The following RPS21 variants were observed in gnomAD, a reference collection of about 807,000 sequenced individuals.
RPS21 encodes small ribosomal subunit protein eS21.
RPS21 carries 6 observed loss-of-function variants against 14.5 expected under a neutral mutation model. The observed-to-expected ratio is 0.41, with a 90% CI of 0.23 to 0.82. The LOEUF is 0.82. Ranked by LOEUF, RPS21 falls within the 40% of genes least tolerant of loss-of-function variation. RPS21 has a pLI of 0.31. For synonymous variants in RPS21, 61 were observed against 42.6 expected (o/e 1.43, Z -1.69); for missense variants, 85 against 115.0 (o/e 0.74, Z 1.19).
intron 4 of RPS21, 76 bp downstream of exon 4, chr20:62,387,990 G>T (rs753086236): frequency 2.5e-6 from 4 of 1,613,760 alleles, no homozygotes. Context: ...GTGTGTGATG[G>T]TGCCTGAGTA....
In RPS21 at chr20:62,388,154, G is replaced by A. The variant is rs982880865; in HGVS notation, c.187-155G>A. 3.3e-5 allele frequency: 49 copies of A among 1,476,624 alleles called. No homozygotes were observed. In the Middle Eastern group the frequency reaches 2.4e-3, roughly 73 times the overall value. The allele number at this position is 1,476,624 out of a possible 1,614,324, so 91.5% of individuals were successfully genotyped here. A position where few individuals can be genotyped will look rare whatever the true frequency, so the allele number is the denominator to read the frequency against. On this transcript the variant is annotated intron_variant, in intron 4 of 5. Transcript: ENST00000343986. Reference sequence around the variant, plus strand: ...CCCGACCCCGCTCCACCATAGTCAGGCTGCAGGCTGCCCCGGGAGAGGTGG... The same window carrying A: ...CCCGACCCCGCTCCACCATAGTCAGACTGCAGGCTGCCCCGGGAGAGGTGG...
chr20:62,388,205 C>T lies in RPS21; in HGVS notation c.187-104C>T, dbSNP rs541446704. 2.0e-5 allele frequency: 29 copies of T among 1,461,022 alleles called. No homozygotes were observed. In the African/African-American group the frequency reaches 2.4e-4, roughly 12 times the overall value. The allele number at this position is 1,461,022 out of a possible 1,614,324, so 90.5% of individuals were successfully genotyped here. A position where few individuals can be genotyped will look rare whatever the true frequency, so the allele number is the denominator to read the frequency against. On this transcript the variant is annotated intron_variant, in intron 4 of 5. Transcript: ENST00000343986. ...CTCCCCTTCTGCGCCTGTCTCCATTCGCTCAGCGGGGGAGAGACGTGGGCT... is the reference window on the plus strand; with the variant it reads ...CTCCCCTTCTGCGCCTGTCTCCATTTGCTCAGCGGGGGAGAGACGTGGGCT...
intron 1 of RPS21, 40 bp from the exon 2 acceptor site, chr20:62,387,281 G>A: frequency 9.3e-6 from 14 of 1,505,450 alleles, no homozygotes; most frequent in Non-Finnish European, 1.3e-5. Context: ...CCGGGGCACG[G>A]TTCCGGCCGT....
At chr20:62,387,467 C>T (rs975692355) in intron 2 of RPS21, 79 bp downstream of exon 2, 7 of 1,592,026 alleles carry the variant, frequency 4.4e-6, no homozygotes, top group East Asian at 4.5e-5. Flanking sequence ...CCCCCACACC[C>T]CTCCCGTCCT....
rs982519093 is a variant in RPS21 at position 62,387,107 on chromosome 20, T to C, written c.-48T>C. 5 of 468,956 alleles carry C rather than the reference T, an allele frequency of 1.1e-5. No individual in the cohort carries two copies. Among genetic ancestry groups the C allele is most frequent in the African/African-American group, 1.0e-4 (5 of 48,432 alleles). 29.0% of individuals were successfully genotyped at this position (468,956 alleles called of 1,614,324 possible). A position where few individuals can be genotyped will look rare whatever the true frequency, so the allele number is the denominator to read the frequency against. ...CTGCCGGGTGACTAGCTGCTTCCTT[T>C]CTCTCTCGCGCGCGGTGTGGTGGCA... On this transcript the variant is annotated 5_prime_UTR_variant, in exon 1 of 6. Coordinates refer to ENST00000343986, the MANE Select transcript of RPS21 (RefSeq NM_001024.4).
At chr20:62,387,734 T>C in intron 3 of RPS21, 60 bp downstream of exon 3, 1 of 1,613,996 alleles carries the variant, frequency 6.2e-7, no homozygotes, top group Non-Finnish European at 8.5e-7. Context: ...AGGCAGGCTG[T>C]CCCATTGTGG....
In RPS21 at chr20:62,387,424, C is replaced by A. The variant is rs201904061; in HGVS notation, c.50+36C>A. ...CCCACATGCCTCTCTTCCGTCCTTACCTAACCACCACGTCCCCTCGCCTGC... is the reference window on the plus strand; with the variant it reads ...CCCACATGCCTCTCTTCCGTCCTTAACTAACCACCACGTCCCCTCGCCTGC... On this transcript the variant is annotated intron_variant, in intron 2 of 5. Transcript: ENST00000343986. 1.9e-5 allele frequency: 30 copies of A among 1,606,964 alleles called. No homozygotes were observed. In the East Asian group the frequency reaches 4.7e-4, roughly 25 times the overall value.
intron 4 of RPS21, 27 bp downstream of exon 4, chr20:62,387,941 T>A: frequency 6.2e-7 from 1 of 1,614,220 alleles, no homozygotes; most frequent in African/African-American, 1.3e-5. Context: ...GCTTTGCTCA[T>A]CACTTCGGGA....
chr20:62,387,418 T>C, intron 2 of RPS21, 30 bp downstream of exon 2: 2 of 1,607,492 alleles, frequency 1.2e-6, no homozygotes, highest in Non-Finnish European at 1.7e-6. Context: ...CTCTCTTCCG[T>C]CCTTACCTAA....
intron 4 of RPS21, 104 bp downstream of exon 4, chr20:62,388,018 G>C (rs1987803737): frequency 1.9e-6 from 3 of 1,603,720 alleles, no homozygotes; most frequent in Non-Finnish European, 2.6e-6. Context: ...TGGCAGAGTA[G>C]TTTGAGCCAG....
At chr20:62,387,735 C>T (rs766292109) in intron 3 of RPS21, 61 bp downstream of exon 3, 3 of 1,614,016 alleles carry the variant, frequency 1.9e-6, no homozygotes, top group South Asian at 2.2e-5. Flanking sequence ...GGCAGGCTGT[C>T]CCATTGTGGA....
rs774509205 is a variant in RPS21, at chr20:62,388,313, A to G, written c.191A>G (p.Glu64Gly). ...AICGAIRRMGESDDSILRLAK... is the reference protein window; with the variant it reads ...AICGAIRRMGGSDDSILRLAK... Reference sequence around the variant, plus strand: ...TGCTTTTTTTTTTTTCTTAAGGGTGAGTCAGATGATTCCATTCTCCGATTG... The same window carrying G: ...TGCTTTTTTTTTTTTCTTAAGGGTGGGTCAGATGATTCCATTCTCCGATTG... The change falls in exon 5 of 6, where the codon GAG becomes GGG. Residue 64 changes from glutamate to glycine, a missense_variant. By Grantham distance (98) the Glu-to-Gly change is moderately conservative. Transcript: ENST00000343986. 1.9e-6 allele frequency: 3 copies of G among 1,586,182 alleles called. No individual in the cohort carries two copies. The highest frequency in any genetic ancestry group is 2.6e-6 in the Non-Finnish European group (3 of 1,172,636).
rs1406667887 is a variant in RPS21 at position 62,388,346 on chromosome 20, C to T, written c.224C>T (p.Ala75Val). 2.5e-6 allele frequency: 4 copies of T among 1,602,492 alleles called. No individual in the cohort carries two copies. The highest frequency in any genetic ancestry group is 3.4e-6 in the Non-Finnish European group (4 of 1,176,992). Residue 75 changes from alanine (A) to valine (V), a missense_variant, in exon 5 of 6, where the codon GCC becomes GTC. Coordinates refer to ENST00000343986, the MANE Select transcript of RPS21 (RefSeq NM_001024.4). ...SDDSILRLAK[A>V]DGIVSKNF is the part of the protein sequence containing the mutation. ...GATTCCATTCTCCGATTGGCCAAGG[C>T]CGATGGCATCGTCTCAAAGTAAGGT...
rs758362768 is a variant in RPS21 at position 62,387,596 on chromosome 20, G to T, written c.51-15G>T. The stretch of plus-strand genomic sequence containing the variant: ...CGCCCAAGTCCCCTCTGCTCACTGC[G>T]CCCTTTCTCCACAGCTCCGCTAGCA... On this transcript the variant is annotated splice_polypyrimidine_tract_variant and intron_variant, in intron 2 of 5. Transcript: ENST00000343986. 4 of 1,608,436 alleles carry T rather than the reference G, an allele frequency of 2.5e-6. No homozygotes were observed. In the African/African-American group the frequency reaches 4.0e-5, roughly 16 times the overall value.
intron 2 of RPS21, 78 bp downstream of exon 2, chr20:62,387,466 C>T (rs1248616060): frequency 1.1e-5 from 18 of 1,591,850 alleles, no homozygotes; most frequent in African/African-American, 2.7e-5. Flanking sequence ...TCCCCCACAC[C>T]CCTCCCGTCC....
At chr20:62,387,531 A>G in intron 2 of RPS21, 80 bp from the exon 3 acceptor site, 3 of 1,586,628 alleles carry the variant, frequency 1.9e-6, no homozygotes, top group Admixed American at 1.7e-5. Context: ...TTTTCCATTC[A>G]TATACCCCCA....
Position 62,387,143 on chromosome 20 carries a change from C to A in RPS21, c.-19+7C>A. On this transcript the variant is annotated splice_region_variant and intron_variant, in intron 1 of 5. Coordinates refer to ENST00000343986, the MANE Select transcript of RPS21 (RefSeq NM_001024.4). The stretch of plus-strand genomic sequence containing the variant: ...CGCGGTGTGGTGGCAGCAGGTGTGG[C>A]GCGCGGCGCGGGCTTCGGGCTCAGG... The A allele has an allele frequency of 2.0e-6, 1 of 495,710 alleles. No homozygotes were observed. Among genetic ancestry groups the A allele is most frequent in the Non-Finnish European group, 3.5e-6 (1 of 283,618 alleles). The allele number at this position is 495,710 out of a possible 1,614,324, so 30.7% of individuals were successfully genotyped here.
chr20:62,387,215 G>A (rs1987760855), intron 1 of RPS21, 79 bp downstream of exon 1: 1 of 759,838 alleles, frequency 1.3e-6, no homozygotes, highest in African/African-American at 1.8e-5. Context: ...GGGACGGGGT[G>A]CGGGGTGCTG....
chr20:62,387,999 T>C (rs911077), intron 4 of RPS21, 85 bp downstream of exon 4: 281,904 of 1,612,320 alleles, frequency 0.17, 27,089 homozygotes, highest in Middle Eastern at 0.27. Flanking sequence ...GGTGCCTGAG[T>C]AGATCTGCTG....
Sources: allele counts gnomAD v4.1 joint callset, GRCh38; gene constraint gnomAD v4.1.1; transcripts MANE v1.5; gene names NCBI Gene and HGNC (gene_info 2026-07-23, HGNC 2026-07-21).